The following DICER1 variants were observed in gnomAD, a reference collection of about 807,000 sequenced individuals.
The protein encoded by DICER1 is endoribonuclease Dicer.
A neutral mutation model predicts 194.1 loss-of-function variants in DICER1; 43 were observed. The ratio of observed to expected loss-of-function variants is 0.22; its 90% CI spans 0.17 to 0.29. The LOEUF is 0.29. Among genes scored for constraint, DICER1 ranks in the 10% least tolerant of loss-of-function variants. DICER1 has a pLI of 1.00. For missense variants in DICER1, 1,608 were observed against 2,317.0 expected (o/e 0.69, Z 6.28); for synonymous variants, 832 against 820.5 (o/e 1.01, Z -0.24).
At chr14:95,116,245 T>C (rs943076640) in intron 10 of DICER1, among the ~76,000 whole-genome samples, 1 of 152,262 alleles carries the variant, frequency 6.6e-6, no homozygotes, top group Admixed American at 6.5e-5. Flanking sequence ...TGTTATCTTA[T>C]TGTGCCCTTT....
At position 95,095,807 on chromosome 14, in the gene DICER1, T is replaced by C; in HGVS notation, c.5095+18A>G. Reference sequence around the variant, plus strand: ...GTCTCATTTTCCCAGAAATGAAGTCTGGTCGTGGGCTCCTTACCAGTGATA... The same window carrying C: ...GTCTCATTTTCCCAGAAATGAAGTCCGGTCGTGGGCTCCTTACCAGTGATA... On this transcript the variant is annotated intron_variant, in intron 23 of 26. Transcript: ENST00000343455. The C allele has an allele frequency of 6.2e-7, 1 of 1,613,740 alleles. No individual in the cohort carries two copies.
Position 95,103,815 on chromosome 14 carries a change from C to A in DICER1, c.3581G>T (p.Arg1194Ile). ...TAGCTGATTTCCTTGGCAAAAGTCT[C>A]TGTTAGCTAAATCATAACTGCCATT... ...LANGSYDLAN[R>I]DFCQGNQLNY... is the part of the protein sequence containing the mutation. Residue 1194 changes from arginine to isoleucine, a missense_variant, in exon 21 of 27, where the codon AGA (arginine) becomes ATA (isoleucine). Physicochemically the swap from Arg to Ile is moderately conservative, Grantham distance 97. Around this residue, in one of 10 missense-constraint regions of DICER1, gnomAD observed 222 missense variants for 215.5 expected, o/e 1.03. Coordinates refer to ENST00000343455, the MANE Select transcript of DICER1 (RefSeq NM_177438.3). 1.2e-6 allele frequency: 2 copies of A among 1,614,156 alleles called. No homozygotes were observed. Among genetic ancestry groups the A allele is most frequent in the South Asian group, 2.2e-5 (2 of 91,064 alleles).
At chr14:95,095,776 C>T in intron 23 of DICER1, 49 bp downstream of exon 23, 1 of 1,600,266 alleles carries the variant, frequency 6.2e-7, no homozygotes, top group Non-Finnish European at 8.6e-7. Context: ...ATGAGATCAA[C>T]ACAAAGTCTC....
intron 22 of DICER1, among the ~76,000 whole-genome samples, chr14:95,097,633 A>G (rs552899419): frequency 1.3e-5 from 2 of 151,480 alleles, no homozygotes; most frequent in Admixed American, 6.5e-5. Context: ...TTAAAAAACC[A>G]AAAAACTTGT....
At chr14:95,092,233 T>A (rs906987532) in intron 24 of DICER1, among the ~76,000 whole-genome samples, 2 of 152,206 alleles carry the variant, frequency 1.3e-5, no homozygotes, top group Admixed American at 1.3e-4. Context: ...GGTGACAGTA[T>A]CCTATACATA....
chr14:95,149,422 A>G (rs1895365367), intron 1 of DICER1, among the ~76,000 whole-genome samples: 2 of 152,214 alleles, frequency 1.3e-5, no homozygotes, highest in South Asian at 4.1e-4. Flanking sequence ...GTGTACCAAC[A>G]GAGTTCGCCA....
chr14:95,129,305 A>G, intron 6 of DICER1, 167 bp downstream of exon 6: 3 of 620,312 alleles, frequency 4.8e-6, no homozygotes. Context: ...AGATTCTTGA[A>G]CTCACAGGTA....
At chr14:95,130,542 T>C (rs1893865776) in intron 4 of DICER1, among the ~76,000 whole-genome samples, 1 of 152,248 alleles carries the variant, frequency 6.6e-6, no homozygotes, top group African/African-American at 2.4e-5. Flanking sequence ...TTTTTTTCTG[T>C]TGAACTGACA....
At chr14:95,107,814 T>C (rs974303640) in intron 16 of DICER1, 53 bp from the exon 17 acceptor site, 4 of 1,610,594 alleles carry the variant, frequency 2.5e-6, no homozygotes, top group African/African-American at 2.7e-5. Context: ...ACAGATAAGT[T>C]TCATACCAAA....
chr14:95,097,178 A>G (rs138726351), intron 22 of DICER1, among the ~76,000 whole-genome samples: 169 of 152,346 alleles, frequency 1.1e-3, no homozygotes, highest in African/African-American at 3.9e-3. Context: ...CCAGATGTAG[A>G]AAAGCATTAC....
At chr14:95,118,530 ATTAAC>A (rs1213679593) in intron 8 of DICER1, among the ~76,000 whole-genome samples, 1 of 152,156 alleles carries the variant, frequency 6.6e-6, no homozygotes, top group Non-Finnish European at 1.5e-5. Flanking sequence ...GCTCCTCTGT[ATTAAC>A]CCACAGTGCC....
chr14:95,087,038 G>A lies in DICER1; in HGVS notation c.*3460C>T. 8.6e-6 allele frequency: 2 copies of A among 233,130 alleles called. No homozygotes were observed. The highest frequency in any genetic ancestry group is 8.5e-6 in the Non-Finnish European group (1 of 117,882). 14.4% of individuals were successfully genotyped at this position (233,130 alleles called of 1,614,324 possible). On this transcript the variant is annotated 3_prime_UTR_variant, in exon 27 of 27. Coordinates refer to ENST00000343455, the MANE Select transcript of DICER1 (RefSeq NM_177438.3). ...TAAAGGGATTAGACACCCTAACAGA[G>A]CAAGATCCAATATTTTAAATCAACG... is the stretch of plus-strand genomic sequence containing the variant.
chr14:95,123,120 T>C (rs1177592247), intron 8 of DICER1, among the ~76,000 whole-genome samples: 1 of 152,130 alleles, frequency 6.6e-6, no homozygotes, highest in Non-Finnish European at 1.5e-5. Context: ...TAAGGACCTT[T>C]TTTGGCAGAA....
chr14:95,090,303 C>T lies in DICER1; in HGVS notation c.*195G>A, dbSNP rs1566744121. On this transcript the variant is annotated 3_prime_UTR_variant, in exon 27 of 27. Coordinates refer to ENST00000343455, the MANE Select transcript of DICER1 (RefSeq NM_177438.3). ...ATTGTGTTTGCGCAAAAAACTAAAA[C>T]TACAATTAGTTCCAAAATTTTATAC... 1 of 635,320 alleles carries T rather than the reference C, an allele frequency of 1.6e-6. No individual in the cohort carries two copies. Among genetic ancestry groups the T allele is most frequent in the Non-Finnish European group, 2.7e-6 (1 of 370,634 alleles). The allele number at this position is 635,320 out of a possible 1,614,324, so 39.4% of individuals were successfully genotyped here. A position where few individuals can be genotyped will look rare whatever the true frequency, so the allele number is the denominator to read the frequency against.
intron 17 of DICER1, among the ~76,000 whole-genome samples, chr14:95,107,251 G>C (rs778874588): frequency 1.1e-4 from 16 of 146,500 alleles, no homozygotes; most frequent in Non-Finnish European, 1.9e-4. Context: ...GTGAATAAGT[G>C]AATTTTTTTT....
chr14:95,126,793 A>G, intron 6 of DICER1, 45 bp from the exon 7 acceptor site: 1 of 1,230,894 alleles, frequency 8.1e-7, no homozygotes, highest in Non-Finnish European at 1.2e-6. Flanking sequence ...AGTAGTGAGA[A>G]TGCAATTTAA....
At chr14:95,093,804 A>T in intron 24 of DICER1, 84 bp downstream of exon 24, 1 of 1,458,046 alleles carries the variant, frequency 6.9e-7, no homozygotes, top group Non-Finnish European at 9.6e-7. Context: ...CTGTCCCTTT[A>T]GACCACTATG....
rs1465785637 is a variant in DICER1 at position 95,091,345 on chromosome 14, A to T, written c.5385T>A (p.Asp1795Glu). ...CTTCAATATCCTCTTCTTTCTCTTC[A>T]TCCTCCTCAGATCTCCTAAGCTATT... ...MDSELRRSEE[D>E]EEKEEDIEVP... The change falls in exon 25 of 27, where the codon GAT becomes GAA. Residue 1795 changes from aspartate (D) to glutamate (E), a missense_variant. Physicochemically the swap from Asp to Glu is conservative, Grantham distance 45. Transcript: ENST00000343455. 1 of 1,614,046 alleles carries T rather than the reference A, an allele frequency of 6.2e-7. No individual in the cohort carries two copies. The highest frequency in any genetic ancestry group is 8.5e-7 in the Non-Finnish European group (1 of 1,180,000).
rs776020604 is a variant in DICER1, at chr14:95,103,737, T to C, written c.3659A>G (p.Gln1220Arg). 6.2e-7 allele frequency: 1 copy of C among 1,614,114 alleles called. No homozygotes were observed. The highest frequency in any genetic ancestry group is 1.3e-5 in the African/African-American group (1 of 74,942). ...CTGGTTCTCGTAACTGTATAAATTC[T>C]GAATGGAATATGAGGTAGTTGGTTG... ...PVQPTTSYSI[Q>R]NLYSYENQPQ... Residue 1220 changes from glutamine (Q) to arginine (R), a missense_variant, in exon 21 of 27, where the codon CAG (glutamine) becomes CGG (arginine). Gln to Arg is a conservative substitution (Grantham distance 43). This residue lies in a region of DICER1 where 222 missense variants were observed against 215.5 expected (regional missense o/e 1.03). Transcript: ENST00000343455.
Sources: allele counts gnomAD v4.1 joint callset (sites outside exome capture counted in the v4.1 genomes callset), GRCh38; gene constraint gnomAD v4.1.1; regional missense constraint gnomAD v4.1.1; transcripts MANE v1.5; gene names NCBI Gene and HGNC (gene_info 2026-07-23, HGNC 2026-07-21).